The following ENPP3 variants were observed in gnomAD, a reference collection of about 807,000 sequenced individuals.
The protein encoded by ENPP3 is ectonucleotide pyrophosphatase/phosphodiesterase 3.
Under a neutral mutation model 117.8 loss-of-function variants are expected in ENPP3, and 104 were observed. That is an observed-to-expected ratio of 0.88 (90% CI 0.75 to 1.04). ENPP3 has a LOEUF of 1.04. ENPP3 is among the 50% of genes least tolerant of loss of function. The probability of loss-of-function intolerance (pLI) is 0.00; values close to 1 mark genes in which losing one functional copy is unlikely to be tolerated. For synonymous variants in ENPP3, 380 were observed against 349.9 expected (o/e 1.09, Z -0.96); for missense variants, 1,026 against 1,051.9 (o/e 0.98, Z 0.34).
chr6:131,682,820 C>T (rs939990331), intron 11 of ENPP3, among the ~76,000 whole-genome samples: 3 of 152,116 alleles, frequency 2.0e-5, no homozygotes, highest in Admixed American at 2.0e-4. Flanking sequence ...ATTTATTGGC[C>T]AGCAGTCTAT....
chr6:131,686,712 G>C (rs1779160998), intron 14 of ENPP3, among the ~76,000 whole-genome samples: 1 of 152,058 alleles, frequency 6.6e-6, no homozygotes, highest in South Asian at 2.1e-4. Context: ...CCATACTTAT[G>C]TTCACGTGTG....
Position 131,678,954 on chromosome 6 carries a change from T to C in ENPP3, c.1011+1014T>C, listed in dbSNP as rs868277902. Among the ~76,000 whole-genome samples, 469 of 101,954 alleles carry C rather than the reference T, an allele frequency of 4.6e-3. 15 individuals carry two copies. Among genetic ancestry groups the C allele is most frequent in the African/African-American group, 0.024 (362 of 15,196 alleles). The allele number at this position is 101,954 out of a possible 152,430, so 66.9% of individuals were successfully genotyped here. A position where few individuals can be genotyped will look rare whatever the true frequency, so the allele number is the denominator to read the frequency against. On this transcript the variant is annotated intron_variant, in intron 11 of 24. Coordinates refer to ENST00000357639, the MANE Select transcript of ENPP3 (RefSeq NM_005021.5). ...CTTTCTTTCTTTCTTTCTTTCTTTC[T>C]TTCTTTCCTTCCTTCCTTCCTTCCT...
At chr6:131,647,490 T>A (rs1778175593) in intron 2 of ENPP3, among the ~76,000 whole-genome samples, 1 of 152,110 alleles carries the variant, frequency 6.6e-6, no homozygotes, top group Non-Finnish European at 1.5e-5. Flanking sequence ...ATGGCTGAAA[T>A]CAAAGGATGT....
intron 15 of ENPP3, among the ~76,000 whole-genome samples, chr6:131,694,342 T>G: frequency 6.6e-6 from 1 of 152,208 alleles, no homozygotes; most frequent in East Asian, 1.9e-4. Context: ...TCATGTACTG[T>G]AGTGGAGAAA....
At chr6:131,713,798 G>A (rs1202183459) in intron 15 of ENPP3, among the ~76,000 whole-genome samples, 3 of 152,020 alleles carry the variant, frequency 2.0e-5, no homozygotes, top group Non-Finnish European at 4.4e-5. Context: ...ATAGACTGTT[G>A]TCCTGTTGCC....
At chr6:131,723,916 G>T in intron 18 of ENPP3, 124 bp from the exon 19 acceptor site, 3 of 619,302 alleles carry the variant, frequency 4.8e-6, no homozygotes, top group East Asian at 3.2e-5. Context: ...CTTAAGTTAG[G>T]CTAGCTTCTT....
intron 14 of ENPP3, among the ~76,000 whole-genome samples, chr6:131,686,169 T>A (rs11964053): frequency 0.068 from 10,413 of 152,252 alleles, 1,080 homozygotes; most frequent in African/African-American, 0.23. Context: ...TGATGTCCCA[T>A]TCAAAAGGGT....
chr6:131,640,229 C>G (rs533692475), intron 1 of ENPP3, among the ~76,000 whole-genome samples: 11 of 152,146 alleles, frequency 7.2e-5, no homozygotes, highest in Non-Finnish European at 1.5e-4. Flanking sequence ...TGAGGTTTAC[C>G]AGAAGGAGTT....
chr6:131,647,680 T>C (rs1482858237), intron 2 of ENPP3, among the ~76,000 whole-genome samples: 1 of 152,194 alleles, frequency 6.6e-6, no homozygotes, highest in Non-Finnish European at 1.5e-5. Context: ...CATTATTTCA[T>C]TTCTATAAAC....
intron 6 of ENPP3, among the ~76,000 whole-genome samples, chr6:131,668,328 T>C (rs763295250): frequency 6.9e-6 from 1 of 145,214 alleles, no homozygotes; most frequent in African/African-American, 2.5e-5. Context: ...TTCTCCTGTC[T>C]CGCCCCCCCC....
intron 5 of ENPP3, among the ~76,000 whole-genome samples, chr6:131,653,262 C>G (rs1297774681): frequency 1.3e-5 from 2 of 151,822 alleles, no homozygotes; most frequent in East Asian, 1.9e-4. Context: ...TCCTGAGTAG[C>G]TGGGACTATA....
rs1304331436 is a variant in ENPP3, at chr6:131,737,420, G to A, written c.2155G>A (p.Glu719Lys). The A allele has an allele frequency of 5.8e-6, 9 of 1,547,264 alleles. No homozygotes were observed. The Admixed American group carries it at 8.4e-5, about 15-fold the overall frequency. ...TACTAGCAATTTGGTACCTATGTAT[G>A]AAGAATTCAGAAGTAAGTATGAATT... ...LITSNLVPMY[E>K]EFRKMWDYFH... Residue 719 changes from glutamate (E) to lysine (K), a missense_variant, in exon 22 of 25, where the codon GAA (glutamate) becomes AAA (lysine). By Grantham distance (56) the Glu-to-Lys change is moderately conservative (BLOSUM62 1). Coordinates refer to ENST00000357639, the MANE Select transcript of ENPP3 (RefSeq NM_005021.5).
intron 6 of ENPP3, among the ~76,000 whole-genome samples, chr6:131,667,623 A>C (rs1010829006): frequency 6.6e-6 from 1 of 152,190 alleles, no homozygotes; most frequent in African/African-American, 2.4e-5. Context: ...AAAAGTTGAG[A>C]GTTCTCTCCT....
intron 15 of ENPP3, chr6:131,709,400 GA>G: frequency 6.5e-7 from 1 of 1,547,348 alleles, no homozygotes; most frequent in Non-Finnish European, 8.7e-7. Context: ...AACAAAGTTT[GA>G]GGAGAGGGAA....
In ENPP3 at chr6:131,651,568, C is replaced by G. The variant is rs919196743; in HGVS notation, c.278-974C>G. ...TGGTGATTCTTGATCATTCTGATGC[C>G]AGTATTCCACAGGGCACAACTTGAG... On this transcript the variant is annotated intron_variant, in intron 3 of 24. Transcript: ENST00000357639. Among the ~76,000 whole-genome samples the G allele has an allele frequency of 3.3e-5, 5 of 152,126 alleles. No homozygotes were observed. In the South Asian group the frequency reaches 1.0e-3, roughly 32 times the overall value.
intron 7 of ENPP3, among the ~76,000 whole-genome samples, chr6:131,672,723 CA>C (rs2114379282): frequency 6.6e-6 from 1 of 151,158 alleles, no homozygotes; most frequent in South Asian, 2.1e-4. Flanking sequence ...AGGGATTATG[CA>C]CAAATGCAAT....
intron 4 of ENPP3, 65 bp from the exon 5 acceptor site, chr6:131,652,766 G>A: frequency 6.3e-7 from 1 of 1,591,078 alleles, no homozygotes; most frequent in Non-Finnish European, 8.6e-7. Flanking sequence ...AAACACATCG[G>A]AGAATCTTTA....
chr6:131,693,830 T>C (rs1779344449), intron 15 of ENPP3, among the ~76,000 whole-genome samples: 1 of 152,168 alleles, frequency 6.6e-6, no homozygotes, highest in Non-Finnish European at 1.5e-5. Context: ...CTTAACAATA[T>C]AGATGAGAAT....
intron 12 of ENPP3, among the ~76,000 whole-genome samples, chr6:131,684,991 G>T (rs1779120874): frequency 6.6e-6 from 1 of 152,090 alleles, no homozygotes; most frequent in Admixed American, 6.5e-5. Flanking sequence ...TATCATGTTG[G>T]CTAGGCTGGT....
Sources: gnomAD v4.1 joint callset for allele counts (sites outside exome capture counted in the v4.1 genomes callset) on GRCh38, gnomAD v4.1.1 for gene constraint, MANE v1.5 for transcripts, NCBI Gene and HGNC (gene_info 2026-07-23, HGNC 2026-07-21) for gene names.